The following CPPED1 variants were observed in gnomAD, a reference collection of about 807,000 sequenced individuals.
CPPED1 encodes calcineurin like phosphoesterase domain containing 1, also known as serine/threonine-protein phosphatase CPPED1.
In CPPED1, 28 loss-of-function variants were observed where a neutral mutation model predicts 28.0. That is an observed-to-expected ratio of 1.00 (90% CI 0.74 to 1.37). The LOEUF (loss-of-function observed/expected upper bound fraction) is 1.37, where lower values mean the gene tolerates loss of function less well. Ranked by LOEUF, CPPED1 falls within the 40% of genes most tolerant of loss-of-function variation. CPPED1 has a pLI of 0.00. For synonymous variants in CPPED1, 198 were observed against 180.2 expected (o/e 1.10, Z -0.79); for missense variants, 504 against 416.5 (o/e 1.21, Z -1.83).
intron 2 of CPPED1, among the ~76,000 whole-genome samples, chr16:12,768,860 TC>T (rs2080453929): frequency 6.9e-6 from 1 of 144,556 alleles, no homozygotes; most frequent in Non-Finnish European, 1.6e-5. Context: ...TGCCATTTTT[TC>T]TTTTTCTTTT....
chr16:12,726,395 T>A (rs2080170294), intron 2 of CPPED1, among the ~76,000 whole-genome samples: 1 of 138,228 alleles, frequency 7.2e-6, no homozygotes, highest in Non-Finnish European at 1.5e-5. Flanking sequence ...CAGGCTGGAG[T>A]GCAGTGGGGT....
intron 2 of CPPED1, among the ~76,000 whole-genome samples, chr16:12,764,298 A>G (rs1405465456): frequency 6.6e-6 from 1 of 151,750 alleles, no homozygotes; most frequent in East Asian, 1.9e-4. Flanking sequence ...CCACTTCCCA[A>G]GTTCAAGCGA....
chr16:12,780,575 A>G (rs771323891), intron 2 of CPPED1, among the ~76,000 whole-genome samples: 1 of 152,120 alleles, frequency 6.6e-6, no homozygotes, highest in South Asian at 2.1e-4. Flanking sequence ...CACTATCTAG[A>G]GAGAGCCTGA....
intron 2 of CPPED1, among the ~76,000 whole-genome samples, chr16:12,776,850 C>A (rs1259995275): frequency 6.6e-6 from 1 of 151,972 alleles, no homozygotes; most frequent in Non-Finnish European, 1.5e-5. Context: ...ACCCAGGAGG[C>A]GGAGGTTGCA....
At chr16:12,721,303 A>G (rs1437250772) in intron 2 of CPPED1, among the ~76,000 whole-genome samples, 2 of 152,214 alleles carry the variant, frequency 1.3e-5, no homozygotes, top group East Asian at 3.8e-4. Flanking sequence ...TCTGAGGGTA[A>G]AAGAAGAAGG....
chr16:12,716,518 CT>C (rs1054310223), intron 2 of CPPED1, among the ~76,000 whole-genome samples: 3 of 152,178 alleles, frequency 2.0e-5, no homozygotes, highest in African/African-American at 7.2e-5. Flanking sequence ...GAATGACTGC[CT>C]TTTTTTACTT....
chr16:12,765,202 G>A (rs1461975694), intron 2 of CPPED1, among the ~76,000 whole-genome samples: 1 of 152,226 alleles, frequency 6.6e-6, no homozygotes, highest in African/African-American at 2.4e-5. Context: ...ATGAAGGTAT[G>A]TAAATTCATT....
chr16:12,718,040 T>A (rs931602599), intron 2 of CPPED1, among the ~76,000 whole-genome samples: 4 of 152,190 alleles, frequency 2.6e-5, no homozygotes, highest in African/African-American at 9.7e-5. Flanking sequence ...CAGCTAAGAA[T>A]GGGAAAGACT....
chr16:12,781,647 C>T (rs2080532614), intron 1 of CPPED1, among the ~76,000 whole-genome samples: 1 of 152,126 alleles, frequency 6.6e-6, no homozygotes, highest in African/African-American at 2.4e-5. Context: ...TGCAGCCACA[C>T]CACCAAGCTG....
chr16:12,721,597 A>T (rs866083040), intron 2 of CPPED1, among the ~76,000 whole-genome samples: 1 of 151,994 alleles, frequency 6.6e-6, no homozygotes, highest in African/African-American at 2.4e-5. Context: ...TACTAAAAAT[A>T]AAAAAATTAG....
At chr16:12,737,876 G>A (rs182046567) in intron 2 of CPPED1, among the ~76,000 whole-genome samples, 1 of 152,168 alleles carries the variant, frequency 6.6e-6, no homozygotes, top group Non-Finnish European at 1.5e-5. Flanking sequence ...TCTTCCCTGT[G>A]TCAGGGGACC....
chr16:12,682,198 C>A lies in CPPED1; in HGVS notation c.716-17083G>T, dbSNP rs562769352. Among the ~76,000 whole-genome samples the A allele has an allele frequency of 1.3e-5, 2 of 152,202 alleles. No individual in the cohort carries two copies. Among genetic ancestry groups the A allele is most frequent in the East Asian group, 3.9e-4 (2 of 5,176 alleles). On this transcript the variant is annotated intron_variant, in intron 3 of 3. Transcript: ENST00000381774. The surrounding 1 kb of genome is among the most constrained non-coding windows in gnomAD (Gnocchi z 6.1). ...TACAGGTTCCCGCTACCATGCCCAG[C>A]TAATTTTTGTGTCTTTAGTAGAGAC...
intron 2 of CPPED1, among the ~76,000 whole-genome samples, chr16:12,759,006 T>A (rs549297960): frequency 2.2e-4 from 33 of 150,960 alleles, no homozygotes; most frequent in Non-Finnish European, 4.0e-4. Context: ...CTACAAAAAA[T>A]TTTAAAATTA....
intron 2 of CPPED1, among the ~76,000 whole-genome samples, chr16:12,755,701 T>C (rs1041807987): frequency 2.0e-5 from 3 of 152,234 alleles, no homozygotes; most frequent in African/African-American, 2.4e-5. Flanking sequence ...ATTTGCTTCA[T>C]CATAGGAAAA....
intron 3 of CPPED1, among the ~76,000 whole-genome samples, chr16:12,700,214 T>G (rs2080013204): frequency 6.6e-6 from 1 of 152,204 alleles, no homozygotes; most frequent in African/African-American, 2.4e-5. Context: ...GTGAAGACCC[T>G]TAGGCCAGTG....
intron 3 of CPPED1, among the ~76,000 whole-genome samples, chr16:12,698,508 C>T (rs570253808): frequency 6.6e-6 from 1 of 152,164 alleles, no homozygotes; most frequent in African/African-American, 2.4e-5. Flanking sequence ...CTTGGCTCAC[C>T]GCAACCTCCG....
chr16:12,731,637 C>T (rs1264083607), intron 2 of CPPED1, among the ~76,000 whole-genome samples: 4 of 151,690 alleles, frequency 2.6e-5, no homozygotes, highest in Non-Finnish European at 5.9e-5. Flanking sequence ...AATGGGGAGC[C>T]TTCATCACGC....
At chr16:12,719,264 G>A (rs984013622) in intron 2 of CPPED1, among the ~76,000 whole-genome samples, 30 of 151,426 alleles carry the variant, frequency 2.0e-4, no homozygotes, top group African/African-American at 6.6e-4. Context: ...GGTGGCGGGC[G>A]CCTGTAGTCC....
rs140486372 is a variant in CPPED1, at chr16:12,663,266, G to T, written c.*1620C>A. On this transcript the variant is annotated 3_prime_UTR_variant, in exon 4 of 4. Coordinates refer to ENST00000381774, the MANE Select transcript of CPPED1 (RefSeq NM_018340.3). ...AGTAGAGATGGAGTTTCACCATGTT[G>T]GCCAGGCTGTTCTCAAACTCCTGAT... 1,776 of 152,284 alleles carry T rather than the reference G, an allele frequency of 0.012. 13 individuals are homozygous for T. The highest frequency in any genetic ancestry group is 0.024 in the Middle Eastern group (7 of 294). 9.4% of individuals were successfully genotyped at this position (152,284 alleles called of 1,614,324 possible).
Sources: allele counts gnomAD v4.1 joint callset (sites outside exome capture counted in the v4.1 genomes callset), GRCh38; gene constraint gnomAD v4.1.1; non-coding constraint Gnocchi (gnomAD v3.1); transcripts MANE v1.5; gene names NCBI Gene and HGNC (gene_info 2026-07-23, HGNC 2026-07-21).